The following B4GALT5 variants were observed in gnomAD, a reference collection of about 807,000 sequenced individuals.
B4GALT5 encodes UDP-Gal:beta-GlcNAc beta-1,4-galactosyltransferase 5.
In B4GALT5, 11 loss-of-function variants were observed where a neutral mutation model predicts 45.0. That is an observed-to-expected ratio of 0.24 (90% CI 0.15 to 0.40). The LOEUF is 0.40. B4GALT5 is among the 10% of genes least tolerant of loss of function. The pLI is 1.00. For missense variants in B4GALT5, 337 were observed against 500.2 expected, an observed-to-expected ratio of 0.67 and a Z score of 3.11; for synonymous variants, 185 against 182.9, an observed-to-expected ratio of 1.01 and a Z score of -0.09.
At chr20:49,660,123 T>G (rs1023379898) in intron 1 of B4GALT5, among the ~76,000 whole-genome samples, 7 of 152,078 alleles carry the variant, frequency 4.6e-5, no homozygotes, top group African/African-American at 1.7e-4. Flanking sequence ...TCATCACAAC[T>G]TCATCATCAC....
rs569597899 is a variant in B4GALT5 at position 49,710,624 on chromosome 20, T to C, written c.115+2952A>G. Among the ~76,000 whole-genome samples, 176 of 152,174 alleles carry C rather than the reference T, an allele frequency of 1.2e-3. 1 individual carries two copies. Among genetic ancestry groups the C allele is most frequent in the African/African-American group, 4.0e-3 (164 of 41,516 alleles). ...TAGTACTGACAGGGTTTCACCATCT[T>C]GGATAGGCTGGACTTGAACTCCTGA... On this transcript the variant is annotated intron_variant, in intron 1 of 8. Transcript: ENST00000371711.
chr20:49,686,171 C>T (rs529241054), intron 1 of B4GALT5, among the ~76,000 whole-genome samples: 2 of 152,206 alleles, frequency 1.3e-5, no homozygotes, highest in African/African-American at 2.4e-5. Context: ...AGTGTCATGC[C>T]ATTCAAAATT....
At chr20:49,695,802 C>A (rs1430797753) in intron 1 of B4GALT5, among the ~76,000 whole-genome samples, 1 of 152,010 alleles carries the variant, frequency 6.6e-6, no homozygotes, top group Non-Finnish European at 1.5e-5. Context: ...TAATGATATT[C>A]CCATTCTGTA....
chr20:49,639,650 G>C, intron 7 of B4GALT5, 28 bp downstream of exon 7: 2 of 1,611,328 alleles, frequency 1.2e-6, no homozygotes, highest in Non-Finnish European at 1.7e-6. Flanking sequence ...AGCATTTCTA[G>C]AAGACACCGA....
At chr20:49,710,610 G>A (rs2085904828) in intron 1 of B4GALT5, among the ~76,000 whole-genome samples, 1 of 151,980 alleles carries the variant, frequency 6.6e-6, no homozygotes, top group East Asian at 1.9e-4. Context: ...AGTACTGACA[G>A]GGTTTCACCA....
At chr20:49,695,465 G>A (rs975337876) in intron 1 of B4GALT5, among the ~76,000 whole-genome samples, 3 of 151,056 alleles carry the variant, frequency 2.0e-5, no homozygotes, top group Non-Finnish European at 2.9e-5. Flanking sequence ...AAGCTGGAGC[G>A]CAATGGCGCA....
chr20:49,666,371 T>G (rs1349395535), intron 1 of B4GALT5, among the ~76,000 whole-genome samples: 2 of 152,234 alleles, frequency 1.3e-5, no homozygotes, highest in African/African-American at 4.8e-5. Context: ...GCAAAGGTGC[T>G]GCTTGGTGCT....
At chr20:49,660,147 A>G (rs1386376274) in intron 1 of B4GALT5, among the ~76,000 whole-genome samples, 1 of 151,996 alleles carries the variant, frequency 6.6e-6, no homozygotes, top group African/African-American at 2.4e-5. Context: ...CTCACTCCCC[A>G]TCCAGGCTGC....
chr20:49,673,370 A>G (rs1181443655), intron 1 of B4GALT5, among the ~76,000 whole-genome samples: 1 of 130,074 alleles, frequency 7.7e-6, no homozygotes, highest in African/African-American at 2.6e-5. Flanking sequence ...ACAAAGAGAG[A>G]CTCCAACTCA....
chr20:49,685,684 C>T (rs1004628298), intron 1 of B4GALT5, among the ~76,000 whole-genome samples: 3 of 152,118 alleles, frequency 2.0e-5, no homozygotes, highest in Admixed American at 6.5e-5. Flanking sequence ...ATTACGGACT[C>T]AGAAGAGGCA....
intron 1 of B4GALT5, among the ~76,000 whole-genome samples, chr20:49,704,263 TAAG>T (rs1181740417): frequency 2.0e-5 from 3 of 152,192 alleles, no homozygotes; most frequent in Non-Finnish European, 4.4e-5. Flanking sequence ...ACAGTAGAAT[TAAG>T]AAGAAGGTTT....
At chr20:49,713,492 G>GC in intron 1 of B4GALT5, 84 bp downstream of exon 1, 1 of 1,382,044 alleles carries the variant, frequency 7.2e-7, no homozygotes, top group Non-Finnish European at 9.9e-7. Context: ...CCTCCCGGCC[G>GC]GGGCCCCTTA....
intron 1 of B4GALT5, among the ~76,000 whole-genome samples, chr20:49,704,739 C>CAA (rs1011080068): frequency 6.7e-6 from 1 of 149,732 alleles, no homozygotes; most frequent in African/African-American, 2.5e-5. Flanking sequence ...CAAAAAAAAA[C>CAA]AAAAAAAAAC....
chr20:49,686,728 C>CAAAAAAAAAA lies in B4GALT5; in HGVS notation c.115+26838_115+26847dup, dbSNP rs59766440. Among the ~76,000 whole-genome samples, 3 of 59,456 alleles carry CAAAAAAAAAA rather than the reference C, an allele frequency of 5.0e-5. 1 individual carries two copies. Among genetic ancestry groups the CAAAAAAAAAA allele is most frequent in the Non-Finnish European group, 8.7e-5 (3 of 34,424 alleles). 39.0% of individuals were successfully genotyped at this position (59,456 alleles called of 152,430 possible). On this transcript the variant is annotated intron_variant, in intron 1 of 8. Transcript: ENST00000371711. ...AACATAGCAAGACCTTGTCTCTGCC[C>CAAAAAAAAAA]AAAAAAAAAAAAAAAAAAAAAAAAG...
intron 1 of B4GALT5, among the ~76,000 whole-genome samples, chr20:49,670,917 A>C (rs2085713339): frequency 6.6e-6 from 1 of 152,218 alleles, no homozygotes; most frequent in Non-Finnish European, 1.5e-5. Context: ...GATAAATAAC[A>C]AATGTGTTCA....
chr20:49,655,928 C>CA lies in B4GALT5; in HGVS notation c.250+639dup, dbSNP rs59460026. On this transcript the variant is annotated intron_variant, in intron 2 of 8. Transcript: ENST00000371711. ...GGATGACAGGAGCAAAACTCCGTCT[C>CA]AAAAAAAAAAAAAAAAAAGAAGTAG... Among the ~76,000 whole-genome samples, 207 of 116,038 alleles carry CA rather than the reference C, an allele frequency of 1.8e-3. 1 individual carries two copies. Among genetic ancestry groups the CA allele is most frequent in the African/African-American group, 5.2e-3 (159 of 30,590 alleles). The allele number at this position is 116,038 out of a possible 152,430, so 76.1% of individuals were successfully genotyped here. A position where few individuals can be genotyped will look rare whatever the true frequency, so the allele number is the denominator to read the frequency against.
At chr20:49,662,315 TTTGG>T (rs2085668411) in intron 1 of B4GALT5, among the ~76,000 whole-genome samples, 1 of 152,102 alleles carries the variant, frequency 6.6e-6, no homozygotes, top group Non-Finnish European at 1.5e-5. Context: ...CCTCCTCTGC[TTTGG>T]TTTTCTACTT....
At chr20:49,655,031 C>T (rs1568719591) in intron 2 of B4GALT5, among the ~76,000 whole-genome samples, 1 of 151,890 alleles carries the variant, frequency 6.6e-6, no homozygotes. Flanking sequence ...TTTGGGAGGA[C>T]GAGGCAGGAG....
intron 2 of B4GALT5, among the ~76,000 whole-genome samples, chr20:49,650,560 C>A (rs1205535244): frequency 1.3e-5 from 2 of 151,798 alleles, no homozygotes; most frequent in Non-Finnish European, 2.9e-5. Flanking sequence ...TCGCTTGAAC[C>A]CAGGAGGCAG....
Sources: gnomAD v4.1 joint callset for allele counts (sites outside exome capture counted in the v4.1 genomes callset) on GRCh38, gnomAD v4.1.1 for gene constraint, MANE v1.5 for transcripts, NCBI Gene and HGNC (gene_info 2026-07-23, HGNC 2026-07-21) for gene names.